The following AK9 variants were observed in gnomAD, a reference collection of about 807,000 sequenced individuals.
The protein encoded by AK9 is adenylate kinase domain containing 1.
Under a neutral mutation model 239.6 loss-of-function variants are expected in AK9, and 191 were observed. That is an observed-to-expected ratio of 0.80 (90% CI 0.71 to 0.90). The LOEUF is 0.90. AK9 is among the 40% of genes least tolerant of loss of function. The pLI, the probability that AK9 is intolerant of heterozygous loss-of-function variation, is 0.00. For synonymous variants in AK9, 689 were observed against 721.0 expected (o/e 0.96, Z 0.71); for missense variants, 1,995 against 2,214.7 (o/e 0.90, Z 1.99).
At chr6:109,547,891 G>A (rs571209660) in intron 25 of AK9, among the ~76,000 whole-genome samples, 20 of 146,858 alleles carry the variant, frequency 1.4e-4, no homozygotes, top group Non-Finnish European at 2.4e-4. Flanking sequence ...TTAACAATGG[G>A]GAAAAAAGAC....
At position 109,497,400 on chromosome 6, in the gene AK9, C is replaced by T. The variant is rs1777184554; in HGVS notation, c.5315+65G>A. On this transcript the variant is annotated intron_variant, in intron 38 of 40. Transcript: ENST00000424296. The stretch of plus-strand genomic sequence containing the variant: ...CTCTCTCTCTCACACACTCCTCTCC[C>T]CCGTTCCCAGCATGTTGCATGCAAC... 4 of 991,984 alleles carry T rather than the reference C, an allele frequency of 4.0e-6. No individual in the cohort carries two copies. In the South Asian group the frequency reaches 4.0e-5, roughly 10 times the overall value. The allele number at this position is 991,984 out of a possible 1,614,324, so 61.4% of individuals were successfully genotyped here. A position where few individuals can be genotyped will look rare whatever the true frequency, so the allele number is the denominator to read the frequency against.
intron 21 of AK9, among the ~76,000 whole-genome samples, chr6:109,571,971 T>C (rs115625589): frequency 2.2e-4 from 33 of 152,290 alleles, no homozygotes; most frequent in African/African-American, 7.9e-4. Context: ...CTAAATTCCA[T>C]CCTAGACTTA....
rs1462982692 is a variant in AK9 at position 109,506,385 on chromosome 6, A to G, written c.4791T>C (p.Ile1597=). 6.2e-7 allele frequency: 1 copy of G among 1,613,766 alleles called. No homozygotes were observed. The change falls in exon 35 of 41, where the codon ATT becomes ATC. Residue 1597 remains isoleucine, a synonymous_variant. Coordinates refer to ENST00000424296, the MANE Select transcript of AK9 (RefSeq NM_001145128.3). The part of the protein sequence containing the change: ...HSKWWVWNEV[I]KNVQMVNKYM... ...ATTTATTCACCATTTGAACATTCTTAATGACTTCATTCCATACCCACCATT... is the reference window on the plus strand; with the variant it reads ...ATTTATTCACCATTTGAACATTCTTGATGACTTCATTCCATACCCACCATT...
intron 29 of AK9, among the ~76,000 whole-genome samples, chr6:109,518,915 G>A (rs1011115675): frequency 3.3e-5 from 5 of 151,856 alleles, no homozygotes; most frequent in South Asian, 2.1e-4. Flanking sequence ...TGTGTCACCC[G>A]GATAGTCAGC....
intron 17 of AK9, among the ~76,000 whole-genome samples, chr6:109,604,032 T>G (rs1328809931): frequency 6.6e-6 from 1 of 152,158 alleles, no homozygotes. Flanking sequence ...GGTGAGGTGA[T>G]GCTTCACCGT....
intron 38 of AK9, among the ~76,000 whole-genome samples, chr6:109,496,726 A>G (rs370602398): frequency 1.3e-5 from 2 of 152,092 alleles, no homozygotes; most frequent in East Asian, 1.9e-4. Flanking sequence ...CCTTCCCCAC[A>G]TAACTATGGA....
In AK9 at chr6:109,607,919, C is replaced by A. The variant is rs116209314; in HGVS notation, c.1842+2446G>T. On this transcript the variant is annotated intron_variant, in intron 17 of 40. Transcript: ENST00000424296. Reference sequence around the variant, plus strand: ...ACATAACATATGATACAGAGAAGGACGCAATGACAGGAGAAATAGGGTGCT... The same window carrying A: ...ACATAACATATGATACAGAGAAGGAAGCAATGACAGGAGAAATAGGGTGCT... Among the ~76,000 whole-genome samples, 571 of 151,920 alleles carry A rather than the reference C, an allele frequency of 3.8e-3. 5 individuals are homozygous for A. The highest frequency in any genetic ancestry group is 0.013 in the African/African-American group (545 of 41,406).
At chr6:109,637,260 G>A (rs1000944423) in intron 10 of AK9, among the ~76,000 whole-genome samples, 13 of 152,136 alleles carry the variant, frequency 8.5e-5, no homozygotes, top group Admixed American at 7.9e-4. Flanking sequence ...CTGCTGTGGA[G>A]TTGTAGTTGT....
In AK9 at chr6:109,672,204, A is replaced by G. The variant is rs758119107; in HGVS notation, c.182-37T>C. 6 of 1,542,100 alleles carry G rather than the reference A, an allele frequency of 3.9e-6. 1 individual carries two copies. In the South Asian group the frequency reaches 6.9e-5, roughly 18 times the overall value. On this transcript the variant is annotated intron_variant, in intron 3 of 40. Coordinates refer to ENST00000424296, the MANE Select transcript of AK9 (RefSeq NM_001145128.3). ...ATTCAAAATATTAATACAGACTGATATTAAGATCACCAAAATAAGAAACAC... is the reference window on the plus strand; with the variant it reads ...ATTCAAAATATTAATACAGACTGATGTTAAGATCACCAAAATAAGAAACAC...
intron 29 of AK9, among the ~76,000 whole-genome samples, chr6:109,520,820 A>G (rs1408764196): frequency 2.0e-5 from 3 of 151,902 alleles, no homozygotes; most frequent in Non-Finnish European, 4.4e-5. Context: ...GAGATTTTTC[A>G]CTTCCTTGGT....
At chr6:109,600,927 C>T (rs1376099542) in intron 17 of AK9, among the ~76,000 whole-genome samples, 1 of 151,964 alleles carries the variant, frequency 6.6e-6, no homozygotes, top group Non-Finnish European at 1.5e-5. Context: ...TGGTGATATC[C>T]CCTTTATCAT....
In AK9 at chr6:109,654,998, C is replaced by T. The variant is rs549146283; in HGVS notation, c.759+1758G>A. ...CTCAACATATAAGGCAATTGCTTGG[C>T]TATTCAGCAAGTGTCATCTAGGCCT... On this transcript the variant is annotated intron_variant, in intron 8 of 40. Transcript: ENST00000424296. Among the ~76,000 whole-genome samples the T allele has an allele frequency of 8.4e-4, 128 of 152,270 alleles. 1 individual carries two copies. Among genetic ancestry groups the T allele is most frequent in the African/African-American group, 3.0e-3 (126 of 41,562 alleles).
intron 21 of AK9, 66 bp from the exon 22 acceptor site, chr6:109,564,911 G>C: frequency 8.0e-7 from 1 of 1,246,148 alleles, no homozygotes; most frequent in South Asian, 1.6e-5. Context: ...GAAAGTTTTG[G>C]CACAAAGAAC....
Position 109,644,667 on chromosome 6 carries a change from G to T in AK9, c.781C>A (p.Pro261Thr). 6.2e-7 allele frequency: 1 copy of T among 1,612,702 alleles called. No individual in the cohort carries two copies. Among genetic ancestry groups the T allele is most frequent in the Non-Finnish European group, 8.5e-7 (1 of 1,179,800 alleles). The change falls in exon 9 of 41, where the codon CCC becomes ACC. Residue 261 changes from proline to threonine, a missense_variant. This residue lies in a region of AK9 where 1,290 missense variants were observed against 1,392.7 expected (regional missense o/e 0.93). Coordinates refer to ENST00000424296, the MANE Select transcript of AK9 (RefSeq NM_001145128.3). ...CCATTTAGCTCAATGAGATACTGGG[G>T]ATTGTGTTCAGCCATTACTTCCTGC... The part of the protein sequence containing the change: ...TLEEVMAEHN[P>T]QYLIELNGNK...
At chr6:109,680,849 A>G (rs1772514996) in intron 1 of AK9, among the ~76,000 whole-genome samples, 1 of 152,214 alleles carries the variant, frequency 6.6e-6, no homozygotes, top group African/African-American at 2.4e-5. Context: ...TATCCAGCCA[A>G]ACTAAGCTTC....
intron 8 of AK9, among the ~76,000 whole-genome samples, chr6:109,646,718 A>C (rs1798113489): frequency 1.3e-5 from 2 of 152,320 alleles, no homozygotes; most frequent in Non-Finnish European, 2.9e-5. Flanking sequence ...GCCAACATTC[A>C]AATTCAGGAA....
chr6:109,523,165 T>C (rs1780051904), intron 29 of AK9, among the ~76,000 whole-genome samples: 2 of 152,164 alleles, frequency 1.3e-5, no homozygotes, highest in African/African-American at 4.8e-5. Context: ...TTACTTTGCT[T>C]TGGCTCACAC....
At chr6:109,534,092 G>T (rs1438063704) in intron 27 of AK9, among the ~76,000 whole-genome samples, 5 of 151,838 alleles carry the variant, frequency 3.3e-5, no homozygotes, top group Non-Finnish European at 7.4e-5. Flanking sequence ...TATGTATCCT[G>T]GTTCCTATGG....
intron 8 of AK9, among the ~76,000 whole-genome samples, chr6:109,648,823 A>G (rs1214591662): frequency 6.6e-6 from 1 of 152,218 alleles, no homozygotes; most frequent in East Asian, 1.9e-4. Context: ...CTTGATGAAC[A>G]TCGATGCAAA....
Sources: gnomAD v4.1 joint callset for allele counts (sites outside exome capture counted in the v4.1 genomes callset) on GRCh38, gnomAD v4.1.1 for gene constraint, gnomAD v4.1.1 regional missense constraint, MANE v1.5 for transcripts, NCBI Gene and HGNC (gene_info 2026-07-23, HGNC 2026-07-21) for gene names.